The following MACROD2 variants were observed in gnomAD, a reference collection of about 807,000 sequenced individuals.
The protein encoded by MACROD2 is mono-ADP ribosylhydrolase 2.
Under a neutral mutation model 70.4 loss-of-function variants are expected in MACROD2, and 36 were observed. The observed-to-expected ratio is 0.51, with a 90% CI of 0.39 to 0.68. The LOEUF (loss-of-function observed/expected upper bound fraction) is 0.68. Among genes scored for constraint, MACROD2 ranks in the 30% least tolerant of loss-of-function variants. The pLI, the probability that MACROD2 is intolerant of heterozygous loss-of-function variation, is 0.00. For missense variants in MACROD2, 496 were observed against 538.4 expected (o/e 0.92, Z 0.78); for synonymous variants, 172 against 178.8 (o/e 0.96, Z 0.30).
At chr20:15,748,190 G>A (rs2051212979) in intron 8 of MACROD2, among the ~76,000 whole-genome samples, 1 of 152,030 alleles carries the variant, frequency 6.6e-6, no homozygotes, top group Non-Finnish European at 1.5e-5. Context: ...AAGATTCCTT[G>A]AGGTCTAAAA....
chr20:15,341,504 A>G (rs898814715), intron 6 of MACROD2, among the ~76,000 whole-genome samples: 1 of 152,230 alleles, frequency 6.6e-6, no homozygotes, highest in East Asian at 1.9e-4. Context: ...GGGCTTAACT[A>G]TGGTCAAAGT....
At chr20:15,678,554 T>C (rs1327402851) in intron 8 of MACROD2, among the ~76,000 whole-genome samples, 1 of 151,972 alleles carries the variant, frequency 6.6e-6, no homozygotes, top group Non-Finnish European at 1.5e-5. Context: ...AGAGACGAGG[T>C]TTCGTTATGT....
chr20:15,854,810 T>C (rs2064339131), intron 8 of MACROD2, among the ~76,000 whole-genome samples: 1 of 152,178 alleles, frequency 6.6e-6, no homozygotes, highest in Admixed American at 6.5e-5. Context: ...CTGGGGAAAC[T>C]TCACTTATCC....
intron 5 of MACROD2, among the ~76,000 whole-genome samples, chr20:15,190,083 G>T (rs1443312716): frequency 6.6e-6 from 1 of 152,044 alleles, no homozygotes; most frequent in Non-Finnish European, 1.5e-5. Context: ...TTATCCTCTT[G>T]TGATGTATAT....
At position 14,075,946 on chromosome 20, in the gene MACROD2, A is replaced by G. The variant is rs1303685855; in HGVS notation, c.164-9675A>G. 2.6e-5 allele frequency among the ~76,000 whole-genome samples: 4 copies of G among 152,336 alleles called. No homozygotes were observed. In the South Asian group the frequency reaches 8.3e-4, roughly 32 times the overall value. On this transcript the variant is annotated intron_variant, in intron 2 of 17. Transcript: ENST00000684519. Reference sequence around the variant, plus strand: ...CTAAAATTTGGTCCACAGCCTCCATAAGATTACATGGGAAAATCTTAAAAA... The same window carrying G: ...CTAAAATTTGGTCCACAGCCTCCATGAGATTACATGGGAAAATCTTAAAAA...
At chr20:14,937,670 G>C (rs1012947054) in intron 5 of MACROD2, among the ~76,000 whole-genome samples, 16 of 151,918 alleles carry the variant, frequency 1.1e-4, no homozygotes, top group Non-Finnish European at 1.3e-4. Context: ...TTAAATATTT[G>C]TCTTTTTAAT....
At chr20:15,046,895 T>C (rs1037110794) in intron 5 of MACROD2, among the ~76,000 whole-genome samples, 11 of 152,238 alleles carry the variant, frequency 7.2e-5, no homozygotes, top group African/African-American at 2.7e-4. Context: ...ATCTGGGCTG[T>C]TGGTCCTGTT....
intron 3 of MACROD2, among the ~76,000 whole-genome samples, chr20:14,412,504 A>T (rs2083760789): frequency 6.6e-6 from 1 of 152,176 alleles, no homozygotes; most frequent in African/African-American, 2.4e-5. Flanking sequence ...TAGGTGACAG[A>T]GTTGAATTTC....
chr20:14,767,785 C>T (rs2072110906), intron 5 of MACROD2, among the ~76,000 whole-genome samples: 1 of 151,898 alleles, frequency 6.6e-6, no homozygotes, highest in Non-Finnish European at 1.5e-5. Context: ...TGCTATCCGT[C>T]CTCTAGTCCC....
At chr20:15,174,515 G>A (rs200860998) in intron 5 of MACROD2, among the ~76,000 whole-genome samples, 15,576 of 151,798 alleles carry the variant, frequency 0.1, 929 homozygotes, top group Non-Finnish European at 0.15. Flanking sequence ...TTGGGTATAT[G>A]CCCAGTAATG....
At chr20:14,858,631 T>G (rs2073281304) in intron 5 of MACROD2, among the ~76,000 whole-genome samples, 1 of 152,112 alleles carries the variant, frequency 6.6e-6, no homozygotes, top group Admixed American at 6.5e-5. Flanking sequence ...AGCACTTGGG[T>G]CAGTATACGT....
chr20:14,984,956 G>T (rs946858515), intron 5 of MACROD2, among the ~76,000 whole-genome samples: 1 of 152,186 alleles, frequency 6.6e-6, no homozygotes, highest in East Asian at 1.9e-4. Context: ...AGGTTCTGCT[G>T]TCCTTCCCTT....
Position 14,136,544 on chromosome 20 carries a change from G to A in MACROD2, c.271+50816G>A, listed in dbSNP as rs149679581. ...TGTAAGGCAGCGGTTCTCCAAGTAC[G>A]GTGCCTGGACCAGCAGCATTAGCAC... On this transcript the variant is annotated intron_variant, in intron 3 of 17. Coordinates refer to ENST00000684519, the MANE Select transcript of MACROD2 (RefSeq NM_001351661.2). Among the ~76,000 whole-genome samples, 391 of 152,146 alleles carry A rather than the reference G, an allele frequency of 2.6e-3. 2 individuals carry two copies. The highest frequency in any genetic ancestry group is 4.4e-3 in the Non-Finnish European group (299 of 67,980).
At chr20:14,914,706 A>G (rs1390095909) in intron 5 of MACROD2, among the ~76,000 whole-genome samples, 1 of 152,212 alleles carries the variant, frequency 6.6e-6, no homozygotes, top group Non-Finnish European at 1.5e-5. Context: ...TATATCTACT[A>G]TCTCTAAATC....
intron 17 of MACROD2, among the ~76,000 whole-genome samples, chr20:16,049,038 G>GTT (rs1434937075): frequency 6.6e-6 from 1 of 152,200 alleles, no homozygotes; most frequent in Non-Finnish European, 1.5e-5. Context: ...ATTACACTGA[G>GTT]TGAAAGGAGA....
intron 8 of MACROD2, among the ~76,000 whole-genome samples, chr20:15,791,634 C>T (rs1239696009): frequency 6.6e-6 from 1 of 151,730 alleles, no homozygotes. Flanking sequence ...TTGTAAACAA[C>T]CCAAAGCAGT....
At chr20:14,208,416 T>G (rs1026718002) in intron 3 of MACROD2, among the ~76,000 whole-genome samples, 1 of 152,178 alleles carries the variant, frequency 6.6e-6, no homozygotes, top group Non-Finnish European at 1.5e-5. Context: ...ATTTTCTTTC[T>G]CTAGGACTTT....
Position 14,589,538 on chromosome 20 carries a change from C to T in MACROD2, c.302-95305C>T, listed in dbSNP as rs956471158. 1.2e-4 allele frequency among the ~76,000 whole-genome samples: 18 copies of T among 152,090 alleles called. 1 individual carries two copies. The highest frequency in any genetic ancestry group is 3.3e-4 in the Admixed American group (5 of 15,262). Reference sequence around the variant, plus strand: ...ATACTATTATATTTTCCAGTTTTAACGTTTCTGTAGCATTTAGTTACATAT... The same window carrying T: ...ATACTATTATATTTTCCAGTTTTAATGTTTCTGTAGCATTTAGTTACATAT... On this transcript the variant is annotated intron_variant, in intron 4 of 17. Transcript: ENST00000684519.
At chr20:15,056,540 A>G (rs759449747) in intron 5 of MACROD2, among the ~76,000 whole-genome samples, 9 of 152,170 alleles carry the variant, frequency 5.9e-5, no homozygotes, top group Non-Finnish European at 1.0e-4. Context: ...AAGCCCTTGA[A>G]GAGATGGCAC....
Sources: gnomAD v4.1 joint callset for allele counts (sites outside exome capture counted in the v4.1 genomes callset) on GRCh38, gnomAD v4.1.1 for gene constraint, MANE v1.5 for transcripts, NCBI Gene and HGNC (gene_info 2026-07-23, HGNC 2026-07-21) for gene names.